The following CTC1 variants were observed in gnomAD, a reference collection of about 807,000 sequenced individuals.
CTC1 encodes CST telomere replication complex component 1, also known as CST complex subunit CTC1.
In CTC1, 91 loss-of-function variants were observed where a neutral mutation model predicts 136.3. The observed-to-expected ratio is 0.67, with a 90% CI of 0.56 to 0.79. The LOEUF (loss-of-function observed/expected upper bound fraction) is 0.79. Among genes scored for constraint, CTC1 ranks in the 30% least tolerant of loss-of-function variants. CTC1 has a pLI of 0.00. For missense variants in CTC1, 1,432 were observed against 1,498.1 expected, an observed-to-expected ratio of 0.96 and a Z score of 0.73; for synonymous variants, 606 against 613.8, an observed-to-expected ratio of 0.99 and a Z score of 0.19.
intron 10 of CTC1, 79 bp from the exon 11 acceptor site, chr17:8,233,111 T>C: frequency 2.0e-6 from 3 of 1,495,548 alleles, no homozygotes; most frequent in Non-Finnish European, 2.7e-6. Flanking sequence ...GATGCTGTAT[T>C]ACATGGTAAA....
At chr17:8,246,480 C>T (rs1211952192) in intron 1 of CTC1, among the ~76,000 whole-genome samples, 1 of 152,208 alleles carries the variant, frequency 6.6e-6, no homozygotes, top group Admixed American at 6.5e-5. Flanking sequence ...CTGTCCTTTT[C>T]TAGAACTCTT....
At chr17:8,240,843 T>A (rs1988155463) in intron 2 of CTC1, among the ~76,000 whole-genome samples, 1 of 152,122 alleles carries the variant, frequency 6.6e-6, no homozygotes, top group African/African-American at 2.4e-5. Context: ...GATATTGCAC[T>A]ATAGCCTGGG....
chr17:8,236,814 T>A (rs1987768450), intron 5 of CTC1, among the ~76,000 whole-genome samples: 1 of 152,214 alleles, frequency 6.6e-6, no homozygotes, highest in African/African-American at 2.4e-5. Flanking sequence ...CAGAAACTTA[T>A]ATGTCATAAA....
chr17:8,230,674 T>C (rs1184008262), intron 15 of CTC1, 23 bp from the exon 16 acceptor site: 1 of 1,599,962 alleles, frequency 6.3e-7, no homozygotes, highest in South Asian at 1.1e-5. Context: ...GGAAATACAC[T>C]GAGAATGGAG....
intron 1 of CTC1, among the ~76,000 whole-genome samples, chr17:8,246,652 C>A (rs980768144): frequency 2.6e-5 from 4 of 151,966 alleles, no homozygotes; most frequent in African/African-American, 9.7e-5. Context: ...TTTCGGAGGC[C>A]AAGGCGGGCA....
At chr17:8,230,796 T>C (rs1567601365) in intron 15 of CTC1, 145 bp from the exon 16 acceptor site, 7 of 674,330 alleles carry the variant, frequency 1.0e-5, no homozygotes. Context: ...TCTGCCACAC[T>C]GCACACTAAG....
chr17:8,229,865 T>G, intron 18 of CTC1, 26 bp downstream of exon 18: 1 of 1,599,852 alleles, frequency 6.3e-7, no homozygotes, highest in Middle Eastern at 1.7e-4. Context: ...GCCAGGAAGT[T>G]TAGGGGTTGG....
At chr17:8,242,559 T>A (rs1435563810) in intron 2 of CTC1, among the ~76,000 whole-genome samples, 106 of 90,408 alleles carry the variant, frequency 1.2e-3, no homozygotes, top group East Asian at 3.5e-3. Context: ...AAAAAATATA[T>A]ATATATATAT....
At position 8,228,657 on chromosome 17, in the gene CTC1, GCTCCTAAA is replaced by G. The variant is rs747705151; in HGVS notation, c.3388-36_3388-29del. ...AGAAAGAGAAGGTCAAGGTTAACTG[GCTCCTAAA>G]CCCTTTGCCAAAAGCCCAGGAATTT... On this transcript the variant is annotated intron_variant, in intron 21 of 22. Transcript: ENST00000651323. 1.4e-5 allele frequency: 22 copies of G among 1,614,106 alleles called. No homozygotes were observed. The East Asian group carries it at 4.9e-4, about 36-fold the overall frequency.
In CTC1 at chr17:8,236,493, C is replaced by A. The variant is rs562514956; in HGVS notation, c.793-151G>T. On this transcript the variant is annotated intron_variant, in intron 5 of 22. Transcript: ENST00000651323. ...TCTTCCCTATGTCTGCCAACTAAAT[C>A]TTAGCGTCTCTCCTCTCTCACAGGA... The A allele has an allele frequency of 1.6e-4, 125 of 766,608 alleles. No homozygotes were observed. In the African/African-American group the frequency reaches 2.1e-3, roughly 13 times the overall value. 47.5% of individuals were successfully genotyped at this position (766,608 alleles called of 1,614,324 possible).
chr17:8,228,250 C>T lies in CTC1; in HGVS notation c.3584G>A (p.Arg1195Gln), dbSNP rs1206095374. ...PFLTHVNPRL[R>Q]LSCLSIRESE... ...CTCTCGGATAGAAAGGCAGGACAAT[C>T]GGAGCCTGGGGTTCACGTGAGTCAG... The change falls in exon 23 of 23, where the codon CGA becomes CAA. Residue 1195 changes from arginine to glutamine, a missense_variant. Arg to Gln is a conservative substitution (Grantham distance 43, BLOSUM62 1). Transcript: ENST00000651323. The T allele has an allele frequency of 1.2e-5, 20 of 1,614,062 alleles. No individual in the cohort carries two copies. The highest frequency in any genetic ancestry group is 2.2e-5 in the East Asian group (1 of 44,870).
At position 8,242,986 on chromosome 17, in the gene CTC1, T is replaced by C. The variant is rs1366348022; in HGVS notation, c.196A>G (p.Ser66Gly). The C allele has an allele frequency of 1.9e-6, 3 of 1,610,860 alleles. No individual in the cohort carries two copies. The highest frequency in any genetic ancestry group is 4.5e-5 in the East Asian group (2 of 44,778). ...CCCGCAACCGCCACCTCTCCTTACC[T>C]ATAGCTGAGGGGCAGTGTAGAACCT... is the stretch of plus-strand genomic sequence containing the variant. The part of the protein sequence containing the change: ...NQGSTLPLSY[S>G]FVSVQDLKTH... The change falls in exon 2 of 23, where the codon AGC (serine) becomes GGC (glycine). Residue 66 changes from serine (S) to glycine (G), a missense_variant and splice_region_variant. Physicochemically the swap from Ser to Gly is moderately conservative, Grantham distance 56. Transcript: ENST00000651323.
In CTC1 at chr17:8,227,040, C is replaced by G. The variant is rs1424966594; in HGVS notation, c.*1140G>C. ...CGACCTTGGCGTTATTAGCACCACG[C>G]TCTAACCAACTGAGCTAACCGGCCA... is the stretch of plus-strand genomic sequence containing the variant. On this transcript the variant is annotated 3_prime_UTR_variant, in exon 23 of 23. Coordinates refer to ENST00000651323, the MANE Select transcript of CTC1 (RefSeq NM_025099.6). 1 of 151,508 alleles carries G rather than the reference C, an allele frequency of 6.6e-6. No individual in the cohort carries two copies. Among genetic ancestry groups the G allele is most frequent in the Non-Finnish European group, 1.5e-5 (1 of 68,052 alleles). 9.4% of individuals were successfully genotyped at this position (151,508 alleles called of 1,614,324 possible).
Position 8,230,373 on chromosome 17 carries a change from C to A in CTC1, c.2854G>T (p.Asp952Tyr). The A allele has an allele frequency of 1.2e-6, 2 of 1,614,072 alleles. No homozygotes were observed. The highest frequency in any genetic ancestry group is 1.7e-5 in the Admixed American group (1 of 60,014). The change falls in exon 17 of 23, where the codon GAC (aspartate) becomes TAC (tyrosine). Residue 952 changes from aspartate (D) to tyrosine (Y), a missense_variant. Coordinates refer to ENST00000651323, the MANE Select transcript of CTC1 (RefSeq NM_025099.6). ...CCTAGTGAGGGAGGCAAGTGTGGGT[C>A]TTCTATATATACATCCAGGTGAGGG... ...FPPHLDVYIEDPHLPPSLGLL... is the reference protein window; with the variant it reads ...FPPHLDVYIEYPHLPPSLGLL...
chr17:8,230,383 T>A lies in CTC1; in HGVS notation c.2844A>T (p.Val948=). Reference sequence around the variant, plus strand: ...GAGGCAAGTGTGGGTCTTCTATATATACATCCAGGTGAGGGGGGAATTCAC... The same window carrying A: ...GAGGCAAGTGTGGGTCTTCTATATAAACATCCAGGTGAGGGGGGAATTCAC... ...AECEFPPHLD[V]YIEDPHLPPS... is the part of the protein sequence containing the mutation. Residue 948 remains valine (V), a synonymous_variant, in exon 17 of 23, where the codon GTA becomes GTT. Coordinates refer to ENST00000651323, the MANE Select transcript of CTC1 (RefSeq NM_025099.6). 1 of 1,614,096 alleles carries A rather than the reference T, an allele frequency of 6.2e-7. No homozygotes were observed. Among genetic ancestry groups the A allele is most frequent in the South Asian group, 1.1e-5 (1 of 91,082 alleles).
Position 8,226,375 on chromosome 17 carries a change from T to C in CTC1, c.*1805A>G, listed in dbSNP as rs1986670148. On this transcript the variant is annotated 3_prime_UTR_variant, in exon 23 of 23. Coordinates refer to ENST00000651323, the MANE Select transcript of CTC1 (RefSeq NM_025099.6). ...TAGAGCTAGGAACCCGGACCGAGCT[T>C]TTTCAGATCTTTCTAGAACTAATTT... is the stretch of plus-strand genomic sequence containing the variant. 6.6e-6 allele frequency: 1 copy of C among 152,144 alleles called. No homozygotes were observed. The highest frequency in any genetic ancestry group is 1.5e-5 in the Non-Finnish European group (1 of 68,030). The allele number at this position is 152,144 out of a possible 1,614,324, so 9.4% of individuals were successfully genotyped here.
intron 4 of CTC1, 113 bp from the exon 5 acceptor site, chr17:8,237,632 T>TC (rs1987846095): frequency 5.3e-6 from 2 of 374,314 alleles, no homozygotes; most frequent in East Asian, 5.3e-5. Context: ...GCCATTGGAC[T>TC]CCAGCCTGGG....
intron 2 of CTC1, among the ~76,000 whole-genome samples, chr17:8,241,004 A>AT (rs1988167187): frequency 6.6e-6 from 1 of 150,546 alleles, no homozygotes; most frequent in African/African-American, 2.4e-5. Context: ...CATATACACT[A>AT]TGGGCCGGGC....
chr17:8,247,554 C>T (rs1389581901), intron 1 of CTC1: 2 of 156,698 alleles, frequency 1.3e-5, no homozygotes, highest in Non-Finnish European at 2.9e-5. Flanking sequence ...AAGTAATCCG[C>T]CCGCCTCCGC....
Sources: gnomAD v4.1 joint callset for allele counts (sites outside exome capture counted in the v4.1 genomes callset) on GRCh38, gnomAD v4.1.1 for gene constraint, MANE v1.5 for transcripts, NCBI Gene and HGNC (gene_info 2026-07-23, HGNC 2026-07-21) for gene names.